The following SLC25A36 variants were observed in gnomAD, a reference collection of about 807,000 sequenced individuals.
SLC25A36 encodes the protein epididymis secretory sperm binding protein.
In SLC25A36, 24 loss-of-function variants were observed where a neutral mutation model predicts 35.3. The observed-to-expected ratio is 0.68, with a 90% confidence interval of 0.49 to 0.96. The LOEUF (loss-of-function observed/expected upper bound fraction) is 0.96. Ranked by LOEUF, SLC25A36 falls within the 40% of genes least tolerant of loss-of-function variation. The pLI is 0.00. For synonymous variants in SLC25A36, 141 were observed against 132.2 expected, an observed-to-expected ratio of 1.07 and a Z score of -0.46; for missense variants, 294 against 381.1, an observed-to-expected ratio of 0.77 and a Z score of 1.90.
chr3:140,970,678 G>A (rs73233101), intron 4 of SLC25A36: 4,210 of 294,892 alleles, frequency 0.014, 66 homozygotes, highest in Non-Finnish European at 0.02. Context: ...TTCTAAGTAG[G>A]TTGGGAAAGC....
At chr3:140,947,093 G>A (rs186308165) in intron 1 of SLC25A36, among the ~76,000 whole-genome samples, 27 of 152,306 alleles carry the variant, frequency 1.8e-4, no homozygotes, top group African/African-American at 3.8e-4. Flanking sequence ...TCCAAATGGA[G>A]CAAATATACA....
intron 1 of SLC25A36, chr3:140,942,350 T>A (rs537142545): frequency 3.0e-5 from 11 of 363,792 alleles, no homozygotes; most frequent in Non-Finnish European, 5.5e-5. Flanking sequence ...CAAAGAGGGT[T>A]GAGGCATGAA....
chr3:140,973,809 T>G lies in SLC25A36; in HGVS notation c.546T>G (p.Ala182=), dbSNP rs1488567664. 16 of 1,613,496 alleles carry G rather than the reference T, an allele frequency of 9.9e-6. No homozygotes were observed. Among genetic ancestry groups the G allele is most frequent in the South Asian group, 9.9e-5 (9 of 91,032 alleles). The change falls in exon 6 of 7, where the codon GCT becomes GCG. Residue 182 remains alanine, a synonymous_variant. Coordinates refer to ENST00000324194, the MANE Select transcript of SLC25A36 (RefSeq NM_001104647.3). ...AAGGATTTTATAGGGGCATGTCTGC[T>G]TCATATGCTGGTATATCAGAGACTG... The part of the protein sequence containing the change: ...GLKGFYRGMS[A]SYAGISETVI...
intron 2 of SLC25A36, among the ~76,000 whole-genome samples, chr3:140,958,999 TG>T (rs1224674661): frequency 2.8e-5 from 4 of 144,094 alleles, no homozygotes; most frequent in African/African-American, 5.2e-5. Context: ...TGTGTGTGTG[TG>T]TGTGTGTGTT....
intron 1 of SLC25A36, among the ~76,000 whole-genome samples, chr3:140,943,082 T>A (rs1476623261): frequency 7.2e-5 from 11 of 152,214 alleles, no homozygotes; most frequent in African/African-American, 1.2e-4. Context: ...GCCTCCTGTT[T>A]AGATTTGCTC....
At chr3:140,952,877 A>G (rs2107788455) in intron 1 of SLC25A36, among the ~76,000 whole-genome samples, 1 of 152,336 alleles carries the variant, frequency 6.6e-6, no homozygotes, top group South Asian at 2.1e-4. Flanking sequence ...ATATTCAAGA[A>G]TACTCTTTCT....
At chr3:140,949,065 A>G (rs1934244906) in intron 1 of SLC25A36, among the ~76,000 whole-genome samples, 1 of 152,192 alleles carries the variant, frequency 6.6e-6, no homozygotes. Context: ...ACTTGTTTGC[A>G]CAGGGTTGTT....
chr3:140,970,450 A>G (rs1414618103), intron 4 of SLC25A36: 2 of 152,728 alleles, frequency 1.3e-5, no homozygotes, highest in South Asian at 2.1e-4. Context: ...ATAATCAACT[A>G]AAGATCAAAC....
intron 1 of SLC25A36, among the ~76,000 whole-genome samples, chr3:140,947,601 G>A (rs981616404): frequency 2.0e-5 from 3 of 151,958 alleles, no homozygotes; most frequent in Non-Finnish European, 1.5e-5. Flanking sequence ...TGTATGATAC[G>A]GCTTGCTTCC....
At chr3:140,961,382 T>C (rs1408049144) in intron 3 of SLC25A36, among the ~76,000 whole-genome samples, 1 of 152,190 alleles carries the variant, frequency 6.6e-6, no homozygotes, top group African/African-American at 2.4e-5. Context: ...TATAGCATTC[T>C]AGCACTAATA....
In SLC25A36 at chr3:140,976,597, ATAGTAATCACACCAC is replaced by A. The variant is rs1336386736; in HGVS notation, c.*145_*159del. The stretch of plus-strand genomic sequence containing the variant: ...AAGTGGAAGTTTTGTTGTAGGAATT[ATAGTAATCACACCAC>A]ATTACTTGGCCTTTCGGTAATGTGA... On this transcript the variant is annotated 3_prime_UTR_variant, in exon 7 of 7. Coordinates refer to ENST00000324194, the MANE Select transcript of SLC25A36 (RefSeq NM_001104647.3). 7.0e-6 allele frequency: 4 copies of A among 570,634 alleles called. No homozygotes were observed. Among genetic ancestry groups the A allele is most frequent in the Non-Finnish European group, 1.1e-5 (4 of 357,958 alleles). The allele number at this position is 570,634 out of a possible 1,614,324, so 35.3% of individuals were successfully genotyped here.
chr3:140,963,176 G>T lies in SLC25A36; in HGVS notation c.334G>T (p.Val112Leu). The change falls in exon 4 of 7, where the codon GTA (valine) becomes TTA (leucine). Residue 112 changes from valine to leucine, a missense_variant. Physicochemically the swap from Val to Leu is conservative, Grantham distance 32. This residue lies in a region of SLC25A36 where 185 missense variants were observed against 201.5 expected (regional missense o/e 0.92). Transcript: ENST00000324194. ...AAACTGCAAGGAAAAGTTGAATGATGTATTTGATCCTGATTCTACCCAAGT... is the reference window on the plus strand; with the variant it reads ...AAACTGCAAGGAAAAGTTGAATGATTTATTTGATCCTGATTCTACCCAAGT... ...YSNCKEKLND[V>L]FDPDSTQVHM... is the part of the protein sequence containing the mutation. 6.3e-7 allele frequency: 1 copy of T among 1,595,500 alleles called. No homozygotes were observed.
intron 1 of SLC25A36, among the ~76,000 whole-genome samples, chr3:140,950,629 T>C (rs2107785075): frequency 6.6e-6 from 1 of 152,328 alleles, no homozygotes; most frequent in East Asian, 1.9e-4. Flanking sequence ...CCCAGATGTA[T>C]AGTTTGGTTT....
In SLC25A36 at chr3:140,976,565, C is replaced by A; in HGVS notation, c.*112C>A. 1 of 844,326 alleles carries A rather than the reference C, an allele frequency of 1.2e-6. No homozygotes were observed. Among genetic ancestry groups the A allele is most frequent in the Non-Finnish European group, 1.7e-6 (1 of 584,212 alleles). The allele number at this position is 844,326 out of a possible 1,614,324, so 52.3% of individuals were successfully genotyped here. On this transcript the variant is annotated 3_prime_UTR_variant, in exon 7 of 7. Coordinates refer to ENST00000324194, the MANE Select transcript of SLC25A36 (RefSeq NM_001104647.3). ...AGAAAAATAGTTTGGGAACATGTAA[C>A]TATTCTAAGTGGAAGTTTTGTTGTA... is the stretch of plus-strand genomic sequence containing the variant.
chr3:140,964,993 T>G (rs1280451725), intron 4 of SLC25A36: 1 of 151,886 alleles, frequency 6.6e-6, no homozygotes, highest in Non-Finnish European at 1.5e-5. Flanking sequence ...TTTCCCAACT[T>G]GAATTCCTCA....
chr3:140,969,994 G>A (rs1934860839), intron 4 of SLC25A36, among the ~76,000 whole-genome samples: 1 of 151,866 alleles, frequency 6.6e-6, no homozygotes. Context: ...TTAAAACCCT[G>A]TTTTGTGTAG....
At chr3:140,952,128 T>C (rs1353093485) in intron 1 of SLC25A36, among the ~76,000 whole-genome samples, 1 of 151,830 alleles carries the variant, frequency 6.6e-6, no homozygotes, top group African/African-American at 2.4e-5. Context: ...GCGATTCTAC[T>C]GCCTCAGCCT....
At position 140,973,891 on chromosome 3, in the gene SLC25A36, G is replaced by A. The variant is rs1275815877; in HGVS notation, c.628G>A (p.Ala210Thr). 2 of 1,613,160 alleles carry A rather than the reference G, an allele frequency of 1.2e-6. No individual in the cohort carries two copies. The highest frequency in any genetic ancestry group is 1.7e-5 in the Admixed American group (1 of 59,858). The change falls in exon 6 of 7, where the codon GCT (alanine) becomes ACT (threonine). Residue 210 changes from alanine to threonine, a missense_variant. Coordinates refer to ENST00000324194, the MANE Select transcript of SLC25A36 (RefSeq NM_001104647.3). The part of the protein sequence containing the change: ...IKQKLLEYKT[A>T]STMENDEESV... Reference sequence around the variant, plus strand: ...ACAAAAACTACTGGAATATAAGACTGCTTCTACAATGGAAAATGATGAAGA... The same window carrying A: ...ACAAAAACTACTGGAATATAAGACTACTTCTACAATGGAAAATGATGAAGA...
At chr3:140,955,453 G>A (rs1481117614) in intron 1 of SLC25A36, among the ~76,000 whole-genome samples, 2 of 152,096 alleles carry the variant, frequency 1.3e-5, no homozygotes, top group African/African-American at 4.8e-5. Context: ...TCACTTGGTA[G>A]TTATTAATGT....
Sources: gnomAD v4.1 joint callset for allele counts (sites outside exome capture counted in the v4.1 genomes callset) on GRCh38, gnomAD v4.1.1 for gene constraint, gnomAD v4.1.1 regional missense constraint, MANE v1.5 for transcripts, NCBI Gene and HGNC (gene_info 2026-07-23, HGNC 2026-07-21) for gene names.